Variants in C3orf20 observed in about 807,000 individuals in gnomAD.
C3orf20 encodes uncharacterized protein C3orf20.
C3orf20 carries 76 observed loss-of-function variants against 88.3 expected under a neutral mutation model. The ratio of observed to expected loss-of-function variants is 0.86; its 90% confidence interval spans 0.72 to 1.04. C3orf20 has a LOEUF of 1.04. Among genes scored for constraint, C3orf20 ranks in the 50% least tolerant of loss-of-function variants. The pLI, the probability that C3orf20 is intolerant of heterozygous loss-of-function variation, is 0.00. For missense variants in C3orf20, 1,056 were observed against 1,123.3 expected (o/e 0.94, Z 0.86); for synonymous variants, 436 against 437.4 (o/e 1.00, Z 0.04).
intron 6 of C3orf20, 122 bp from the exon 7 acceptor site, chr3:14,704,215 T>G: frequency 1.0e-6 from 1 of 998,744 alleles, no homozygotes; most frequent in Non-Finnish European, 1.5e-6. Context: ...GGGTTGGGGA[T>G]GTGTACTTTG....
intron 12 of C3orf20, among the ~76,000 whole-genome samples, chr3:14,749,231 T>C (rs1435532407): frequency 1.3e-5 from 2 of 152,238 alleles, no homozygotes; most frequent in African/African-American, 4.8e-5. Context: ...AATTTTTTAC[T>C]TAAAGTCTAT....
At chr3:14,752,332 C>T (rs547548769) in intron 12 of C3orf20, among the ~76,000 whole-genome samples, 6 of 152,180 alleles carry the variant, frequency 3.9e-5, no homozygotes, top group Non-Finnish European at 7.4e-5. Flanking sequence ...AAAATTAACT[C>T]GAGATGGATT....
chr3:14,757,827 T>C (rs2035427820), intron 13 of C3orf20, among the ~76,000 whole-genome samples, 153 bp downstream of exon 13: 1 of 152,196 alleles, frequency 6.6e-6, no homozygotes, highest in Admixed American at 6.5e-5. Context: ...TTGTGTGTAC[T>C]CTCCTGTCTG....
chr3:14,714,521 T>C (rs1475076411), intron 8 of C3orf20, among the ~76,000 whole-genome samples: 2 of 152,210 alleles, frequency 1.3e-5, no homozygotes, highest in Admixed American at 6.5e-5. Flanking sequence ...AACACACTAC[T>C]TCTATGGCAT....
At chr3:14,712,817 AT>A (rs1238052282) in intron 7 of C3orf20, among the ~76,000 whole-genome samples, 1 of 151,988 alleles carries the variant, frequency 6.6e-6, no homozygotes, top group Non-Finnish European at 1.5e-5. Flanking sequence ...TCCCTTCAGC[AT>A]TTTTTTGCAG....
chr3:14,703,324 T>A, intron 6 of C3orf20, 62 bp downstream of exon 6: 1 of 1,606,778 alleles, frequency 6.2e-7, no homozygotes, highest in Non-Finnish European at 8.5e-7. Context: ...GGCCCCCAGC[T>A]GGGAGTCCCT....
intron 5 of C3orf20, among the ~76,000 whole-genome samples, chr3:14,696,823 T>G (rs560507162): frequency 1.3e-5 from 2 of 152,072 alleles, no homozygotes; most frequent in African/African-American, 4.8e-5. Context: ...TTCTTTCTGA[T>G]TGAAGTACTG....
rs755803860 is a variant in C3orf20, at chr3:14,726,944, T to C, written c.1610T>C (p.Met537Thr). Residue 537 changes from methionine (M) to threonine (T), a missense_variant, in exon 11 of 17, where the codon ATG becomes ACG. Met to Thr is a moderately conservative substitution (Grantham distance 81, BLOSUM62 -1). Transcript: ENST00000253697. ...ISNMDDKVYK[M>T]SRALAEIKKR... ...AACATGGACGACAAGGTGTATAAGA[T>C]GAGCCGAGCCCTGGCTGAGATCAAG... The C allele has an allele frequency of 5.0e-6, 8 of 1,614,136 alleles. No homozygotes were observed. Among genetic ancestry groups the C allele is most frequent in the Non-Finnish European group, 6.8e-6 (8 of 1,180,020 alleles).
chr3:14,721,622 G>A (rs776002144), intron 9 of C3orf20, 31 bp from the exon 10 acceptor site: 35 of 1,611,354 alleles, frequency 2.2e-5, no homozygotes, highest in Admixed American at 5.0e-5. Flanking sequence ...TTGAAGCAGG[G>A]ATTCTCTGAG....
intron 11 of C3orf20, among the ~76,000 whole-genome samples, chr3:14,727,862 C>G (rs1020719525): frequency 6.6e-6 from 1 of 152,178 alleles, no homozygotes; most frequent in Non-Finnish European, 1.5e-5. Context: ...TGTCCCCCAT[C>G]CTGCTCCCCC....
chr3:14,721,893 C>G, intron 10 of C3orf20, 109 bp downstream of exon 10: 1 of 1,398,170 alleles, frequency 7.2e-7, no homozygotes, highest in Non-Finnish European at 9.8e-7. Context: ...CCCTTCCATG[C>G]AAGGCCCTGC....
intron 1 of C3orf20, among the ~76,000 whole-genome samples, chr3:14,675,566 TGC>T: frequency 6.6e-6 from 1 of 152,224 alleles, no homozygotes; most frequent in Non-Finnish European, 1.5e-5. Flanking sequence ...AATCCCAGGC[TGC>T]ATCTATATAG....
intron 9 of C3orf20, among the ~76,000 whole-genome samples, chr3:14,720,726 C>T (rs955350527): frequency 1.3e-5 from 2 of 152,210 alleles, no homozygotes; most frequent in South Asian, 4.1e-4. Flanking sequence ...AAATTGTGCT[C>T]TGCACATGCA....
Position 14,700,426 on chromosome 3 carries a change from T to A in C3orf20, c.746-2704T>A, listed in dbSNP as rs529372165. On this transcript the variant is annotated intron_variant, in intron 5 of 16. Transcript: ENST00000253697. ...ATCTCTTAGGGTCTAACTTACCAAT[T>A]AAACTTTATCATAGGTGTGCATGTA... Among the ~76,000 whole-genome samples, 28 of 152,338 alleles carry A rather than the reference T, an allele frequency of 1.8e-4. No individual in the cohort carries two copies. In the South Asian group the frequency reaches 3.3e-3, roughly 18 times the overall value.
chr3:14,692,884 A>C (rs1415559518), intron 5 of C3orf20, among the ~76,000 whole-genome samples: 1 of 152,208 alleles, frequency 6.6e-6, no homozygotes, highest in Non-Finnish European at 1.5e-5. Flanking sequence ...TTAAGTCTTC[A>C]ATCCATTTTG....
intron 5 of C3orf20, among the ~76,000 whole-genome samples, chr3:14,699,340 C>G (rs2033148599): frequency 6.6e-6 from 1 of 152,218 alleles, no homozygotes; most frequent in African/African-American, 2.4e-5. Flanking sequence ...CTGTGACCAT[C>G]ACATCTGAGA....
intron 10 of C3orf20, among the ~76,000 whole-genome samples, chr3:14,725,002 T>G (rs1273880033): frequency 6.6e-6 from 1 of 152,178 alleles, no homozygotes; most frequent in Non-Finnish European, 1.5e-5. Flanking sequence ...CAGTGCTGCA[T>G]TATAGAAAGC....
chr3:14,677,673 G>A (rs2031850092), intron 1 of C3orf20, among the ~76,000 whole-genome samples: 1 of 152,000 alleles, frequency 6.6e-6, no homozygotes, highest in Non-Finnish European at 1.5e-5. Context: ...GCTACTTTTT[G>A]TATTTTTACT....
chr3:14,769,720 A>G (rs2125047654), intron 15 of C3orf20, among the ~76,000 whole-genome samples: 1 of 152,250 alleles, frequency 6.6e-6, no homozygotes, highest in Middle Eastern at 3.4e-3. Context: ...ACAAGGCCAG[A>G]TCAAGGAGGA....
Sources: allele counts gnomAD v4.1 joint callset (sites outside exome capture counted in the v4.1 genomes callset), GRCh38; gene constraint gnomAD v4.1.1; transcripts MANE v1.5; gene names NCBI Gene and HGNC (gene_info 2026-07-23, HGNC 2026-07-21).